The following SPART variants were observed in gnomAD, a reference collection of about 807,000 sequenced individuals.
SPART encodes the protein spastic paraplegia 20 (Troyer syndrome).
In SPART, 35 loss-of-function variants were observed where a neutral mutation model predicts 58.7. The observed-to-expected ratio is 0.60, with a 90% CI of 0.46 to 0.79. The LOEUF (loss-of-function observed/expected upper bound fraction) is 0.79. Among genes scored for constraint, SPART ranks in the 30% least tolerant of loss-of-function variants. The probability of loss-of-function intolerance (pLI) is 0.00; values close to 1 mark genes in which losing one functional copy is unlikely to be tolerated. For synonymous variants in SPART, 284 were observed against 280.7 expected (o/e 1.01, Z -0.12); for missense variants, 730 against 786.1 (o/e 0.93, Z 0.85).
At chr13:36,362,033 C>A (rs1885880843) in intron 1 of SPART, among the ~76,000 whole-genome samples, 1 of 152,142 alleles carries the variant, frequency 6.6e-6, no homozygotes, top group Admixed American at 6.5e-5. Context: ...TCACTGCAGT[C>A]CTTGTACTAG....
chr13:36,326,976 C>A (rs1882997223), intron 4 of SPART, among the ~76,000 whole-genome samples: 1 of 151,984 alleles, frequency 6.6e-6, no homozygotes, highest in Non-Finnish European at 1.5e-5. Context: ...TGACTTTTTT[C>A]TTTTCTGGAC....
chr13:36,325,346 CTCTA>C (rs1882825205), intron 5 of SPART, among the ~76,000 whole-genome samples: 1 of 152,136 alleles, frequency 6.6e-6, no homozygotes, highest in Admixed American at 6.5e-5. Context: ...TAAAATTTGG[CTCTA>C]TCTTTTTTTC....
intron 1 of SPART, among the ~76,000 whole-genome samples, chr13:36,354,682 G>A (rs1343790332): frequency 2.0e-5 from 3 of 152,170 alleles, no homozygotes; most frequent in Non-Finnish European, 4.4e-5. Context: ...TAATTTTAAT[G>A]TATATTCTTT....
upstream of SPART, among the ~76,000 whole-genome samples, chr13:36,347,473 G>C (rs181076607): frequency 8.8e-4 from 134 of 152,172 alleles, 1 homozygote; most frequent in African/African-American, 3.0e-3. Flanking sequence ...GGCTGGTCTC[G>C]AATTCCTGAC....
intron 1 of SPART, among the ~76,000 whole-genome samples, chr13:36,337,588 A>G (rs1884140763): frequency 6.6e-6 from 1 of 152,066 alleles, no homozygotes; most frequent in Admixed American, 6.6e-5. Flanking sequence ...TTCCGCCATG[A>G]CTGTAAGTTT....
At chr13:36,340,427 A>G (rs1219690215) in intron 1 of SPART, among the ~76,000 whole-genome samples, 1 of 152,080 alleles carries the variant, frequency 6.6e-6, no homozygotes, top group African/African-American at 2.4e-5. Flanking sequence ...ATACCATGAC[A>G]TTTTAGAACA....
At chr13:36,310,307 G>C (rs1185290104) in intron 8 of SPART, among the ~76,000 whole-genome samples, 1 of 151,920 alleles carries the variant, frequency 6.6e-6, no homozygotes, top group Non-Finnish European at 1.5e-5. Flanking sequence ...TAAATAGTAA[G>C]ATCCAAACTA....
chr13:36,322,537 T>C (rs1882515749), intron 5 of SPART, among the ~76,000 whole-genome samples: 1 of 152,182 alleles, frequency 6.6e-6, no homozygotes, highest in Non-Finnish European at 1.5e-5. Flanking sequence ...TAAGATTATA[T>C]AGAACCCAAC....
At chr13:36,327,169 TA>T (rs1293834058) in intron 4 of SPART, among the ~76,000 whole-genome samples, 1 of 152,200 alleles carries the variant, frequency 6.6e-6, no homozygotes, top group East Asian at 1.9e-4. Flanking sequence ...AAACACAGAA[TA>T]ATCTGCTATT....
At chr13:36,329,854 C>T (rs1883301864) in intron 3 of SPART, among the ~76,000 whole-genome samples, 1 of 152,118 alleles carries the variant, frequency 6.6e-6, no homozygotes, top group Non-Finnish European at 1.5e-5. Flanking sequence ...TTAACATGTA[C>T]AAGAGAAAGT....
chr13:36,360,616 C>T (rs1885817025), intron 1 of SPART: 1 of 152,594 alleles, frequency 6.6e-6, no homozygotes, highest in Non-Finnish European at 1.5e-5. Context: ...ATTTCATTCT[C>T]ATAACTACCG....
At chr13:36,313,622 T>C (rs1006233267) in intron 6 of SPART, among the ~76,000 whole-genome samples, 1 of 152,212 alleles carries the variant, frequency 6.6e-6, no homozygotes, top group Non-Finnish European at 1.5e-5. Flanking sequence ...ACCTTTTCTA[T>C]GTTTAGATGT....
chr13:36,335,019 A>C lies in SPART; in HGVS notation c.810+2T>G. On this transcript the variant is annotated splice_donor_variant, in intron 2 of 8. Transcript: ENST00000438666. LOFTEE classifies it high-confidence loss of function. ...TTATGCTTTCATTTTTCTTTCGCTT[A>C]CCTGAAGAAACCCGGGAGGACGGTT... 1 of 1,612,794 alleles carries C rather than the reference A, an allele frequency of 6.2e-7. No individual in the cohort carries two copies. The highest frequency in any genetic ancestry group is 8.5e-7 in the Non-Finnish European group (1 of 1,178,998).
intron 1 of SPART, among the ~76,000 whole-genome samples, chr13:36,352,122 C>T (rs951214909): frequency 6.6e-6 from 1 of 152,122 alleles, no homozygotes. Flanking sequence ...AAAAGTTGTA[C>T]ATGAGGTAAG....
upstream of SPART, chr13:36,346,875 A>G (rs1885181662): frequency 6.6e-6 from 1 of 152,254 alleles, no homozygotes; most frequent in African/African-American, 2.4e-5. Context: ...ACGAGAGACA[A>G]TAAAGGCTGA....
At chr13:36,344,640 A>G (rs1250226541) in intron 1 of SPART, among the ~76,000 whole-genome samples, 1 of 152,216 alleles carries the variant, frequency 6.6e-6, no homozygotes, top group African/African-American at 2.4e-5. Context: ...CTCAGAAAAT[A>G]CATTTTACAG....
chr13:36,325,246 G>C (rs1882815629), intron 5 of SPART, among the ~76,000 whole-genome samples: 1 of 152,130 alleles, frequency 6.6e-6, no homozygotes, highest in Non-Finnish European at 1.5e-5. Flanking sequence ...TATAAAGTTG[G>C]GGGGTAGGGT....
chr13:36,362,377 T>A (rs1028078751), intron 1 of SPART, among the ~76,000 whole-genome samples: 2 of 145,536 alleles, frequency 1.4e-5, no homozygotes, highest in African/African-American at 5.2e-5. Flanking sequence ...ATACCCATGT[T>A]ATGGAAGAAG....
chr13:36,360,449 G>C (rs149538422), intron 1 of SPART, among the ~76,000 whole-genome samples: 3 of 151,736 alleles, frequency 2.0e-5, no homozygotes, highest in African/African-American at 7.3e-5. Flanking sequence ...TGGGGATTAG[G>C]TAACTAATCC....
Sources: gnomAD v4.1 joint callset for allele counts (sites outside exome capture counted in the v4.1 genomes callset) on GRCh38, gnomAD v4.1.1 for gene constraint, MANE v1.5 for transcripts, NCBI Gene and HGNC (gene_info 2026-07-23, HGNC 2026-07-21) for gene names.